The following SCAF4 variants were observed in gnomAD, a reference collection of about 807,000 sequenced individuals.
The protein encoded by SCAF4 is SR-related CTD associated factor 4.
A neutral mutation model predicts 129.8 loss-of-function variants in SCAF4; 25 were observed. That is an observed-to-expected ratio of 0.19 (90% confidence interval 0.14 to 0.27). SCAF4 has a LOEUF of 0.27. Among genes scored for constraint, SCAF4 ranks in the 10% least tolerant of loss-of-function variants. The probability of loss-of-function intolerance (pLI) is 1.00; values close to 1 mark genes in which losing one functional copy is unlikely to be tolerated. For synonymous variants in SCAF4, 551 were observed against 497.7 expected (o/e 1.11, Z -1.43); for missense variants, 1,246 against 1,457.1 (o/e 0.86, Z 2.36).
chr21:31,719,487 A>C (rs992312692), intron 1 of SCAF4, among the ~76,000 whole-genome samples: 3 of 151,948 alleles, frequency 2.0e-5, no homozygotes, highest in Admixed American at 2.0e-4. Context: ...AGCATGTCCT[A>C]ATGTATTATT....
At chr21:31,709,790 T>C (rs977591535) in intron 1 of SCAF4, among the ~76,000 whole-genome samples, 1 of 151,914 alleles carries the variant, frequency 6.6e-6, no homozygotes, top group African/African-American at 2.4e-5. Context: ...AAGTGATATG[T>C]TGTATTTTTT....
chr21:31,690,977 T>C (rs754624572), intron 14 of SCAF4, 24 bp from the exon 15 acceptor site: 86 of 1,588,034 alleles, frequency 5.4e-5, no homozygotes, highest in Non-Finnish European at 7.2e-5. Flanking sequence ...AGTGAAAATA[T>C]AAAAAGAAAA....
intron 1 of SCAF4, among the ~76,000 whole-genome samples, chr21:31,715,942 A>G (rs2050911284): frequency 6.6e-6 from 1 of 152,186 alleles, no homozygotes; most frequent in Non-Finnish European, 1.5e-5. Context: ...TCTGTTATAA[A>G]TTGTTAGTGA....
intron 1 of SCAF4, among the ~76,000 whole-genome samples, chr21:31,708,389 A>G (rs991935976): frequency 6.7e-6 from 1 of 149,884 alleles, no homozygotes; most frequent in African/African-American, 2.5e-5. Flanking sequence ...TTAAAAAAAA[A>G]AAAGAAAAGA....
At position 31,693,389 on chromosome 21, in the gene SCAF4, G is replaced by A. The variant is rs755337428; in HGVS notation, c.1418C>T (p.Ser473Phe). 1.3e-6 allele frequency: 2 copies of A among 1,582,850 alleles called. No individual in the cohort carries two copies. The highest frequency in any genetic ancestry group is 1.7e-6 in the Non-Finnish European group (2 of 1,157,824). The change falls in exon 12 of 20, where the codon TCT (serine) becomes TTT (phenylalanine). Residue 473 changes from serine (S) to phenylalanine (F), a missense_variant. This residue lies in a region of SCAF4 where 468 missense variants were observed against 605.5 expected (regional missense o/e 0.77). Coordinates refer to ENST00000286835, the MANE Select transcript of SCAF4 (RefSeq NM_020706.2). The part of the protein sequence containing the change: ...RSRSRDRRRH[S>F]PRSRSQERRD... ...TCTTTCTTGAGATCGAGATCGGGGA[G>A]AATGTCGGCGTCTATCCCTGGACCG...
At chr21:31,704,074 C>T (rs1454829791) in intron 3 of SCAF4, 148 bp from the exon 4 acceptor site, 6 of 471,878 alleles carry the variant, frequency 1.3e-5, no homozygotes, top group Admixed American at 6.7e-5. Flanking sequence ...CTCTAAATGG[C>T]TAACTTGTCA....
At chr21:31,689,117 C>T (rs1425685129) in intron 15 of SCAF4, among the ~76,000 whole-genome samples, 1 of 152,106 alleles carries the variant, frequency 6.6e-6, no homozygotes, top group Admixed American at 6.6e-5. Flanking sequence ...CACTGTCTAG[C>T]GCCTCCCAGA....
intron 7 of SCAF4, among the ~76,000 whole-genome samples, chr21:31,697,570 G>A (rs2050418788): frequency 6.6e-6 from 1 of 152,154 alleles, no homozygotes; most frequent in Admixed American, 6.5e-5. Flanking sequence ...GCGGACACTA[G>A]TCCTTTTGAC....
intron 3 of SCAF4, among the ~76,000 whole-genome samples, chr21:31,704,758 T>C (rs2050615563): frequency 6.6e-6 from 1 of 152,212 alleles, no homozygotes; most frequent in Admixed American, 6.5e-5. Flanking sequence ...TGCCTATAGG[T>C]AATTTTTTCC....
intron 2 of SCAF4, 64 bp downstream of exon 2, chr21:31,706,210 T>C: frequency 1.8e-6 from 2 of 1,109,720 alleles, no homozygotes; most frequent in South Asian, 2.8e-5. Context: ...TTCTCATGTT[T>C]AAAAGTAATA....
chr21:31,711,595 A>G (rs2050800196), intron 1 of SCAF4, among the ~76,000 whole-genome samples: 1 of 152,212 alleles, frequency 6.6e-6, no homozygotes, highest in African/African-American at 2.4e-5. Context: ...GTAAAATTCA[A>G]TCTGTAATCA....
chr21:31,699,022 G>C (rs564227049), intron 7 of SCAF4, among the ~76,000 whole-genome samples: 1 of 152,238 alleles, frequency 6.6e-6, no homozygotes, highest in African/African-American at 2.4e-5. Flanking sequence ...AAAAGTATGA[G>C]GGGGAGTTTG....
intron 19 of SCAF4, 35 bp downstream of exon 19, chr21:31,685,014 G>T: frequency 1.1e-6 from 1 of 920,976 alleles, no homozygotes; most frequent in Non-Finnish European, 1.6e-6. Flanking sequence ...GGGGGGTGGG[G>T]CAAGGAAAAC....
intron 16 of SCAF4, 56 bp downstream of exon 16, chr21:31,688,251 T>C: frequency 1.3e-6 from 2 of 1,567,520 alleles, no homozygotes. Context: ...TACAGTAAGA[T>C]TTAGAAAGGG....
intron 1 of SCAF4, among the ~76,000 whole-genome samples, chr21:31,712,483 G>A (rs1339023977): frequency 6.6e-6 from 1 of 150,554 alleles, no homozygotes; most frequent in Non-Finnish European, 1.5e-5. Context: ...CTCCCAAAGC[G>A]CTGGCATTAC....
chr21:31,699,926 T>TA (rs924173221), intron 7 of SCAF4, among the ~76,000 whole-genome samples: 48 of 152,266 alleles, frequency 3.2e-4, no homozygotes, highest in African/African-American at 1.1e-3. Flanking sequence ...ATAGGCCCGA[T>TA]AGAGCAGCTG....
At position 31,671,612 on chromosome 21, in the gene SCAF4, T is replaced by C. The variant is rs1164996054; in HGVS notation, c.3231A>G (p.Gly1077=). 6.2e-7 allele frequency: 1 copy of C among 1,614,042 alleles called. No individual in the cohort carries two copies. Among genetic ancestry groups the C allele is most frequent in the African/African-American group, 1.3e-5 (1 of 74,908 alleles). The change falls in exon 20 of 20, where the codon GGA becomes GGG. Residue 1077 remains glycine (G), a synonymous_variant. Coordinates refer to ENST00000286835, the MANE Select transcript of SCAF4 (RefSeq NM_020706.2). ...TGTCTGTCACCTCAGGCTTTTCCTT[T>C]CCTCGGGCTTCTTCCTTCTCTCTAC... ...ESRREKEEAR[G]KEKPEVTDRA... is the part of the protein sequence containing the mutation.
chr21:31,684,812 A>G, intron 19 of SCAF4: 2 of 524,558 alleles, frequency 3.8e-6, no homozygotes, highest in Middle Eastern at 5.1e-4. Flanking sequence ...AAGACAGACA[A>G]ACATGATTTT....
intron 1 of SCAF4, chr21:31,706,638 GTCAGCTAAA>G: frequency 2.5e-6 from 1 of 393,896 alleles, no homozygotes; most frequent in Non-Finnish European, 4.6e-6. Flanking sequence ...CGGCATGGCT[GTCAGCTAAA>G]CCTGCTCCTG....
Sources: allele counts gnomAD v4.1 joint callset (sites outside exome capture counted in the v4.1 genomes callset), GRCh38; gene constraint gnomAD v4.1.1; regional missense constraint gnomAD v4.1.1; transcripts MANE v1.5; gene names NCBI Gene and HGNC (gene_info 2026-07-23, HGNC 2026-07-21).